The following AGR3 variants were observed in gnomAD, a reference collection of about 807,000 sequenced individuals.
The protein encoded by AGR3 is anterior gradient 3, protein disulphide isomerase family member, also known as anterior gradient protein 3.
A neutral mutation model predicts 24.5 loss-of-function variants in AGR3; 37 were observed. That is an observed-to-expected ratio of 1.51 (90% CI 1.16 to 1.99). The LOEUF is 1.99. Among genes scored for constraint, AGR3 ranks in the 30% most tolerant of loss-of-function variants. The probability of loss-of-function intolerance (pLI) is 0.00; values close to 1 mark genes in which losing one functional copy is unlikely to be tolerated. For missense variants in AGR3, 228 were observed against 191.1 expected (o/e 1.19, Z -1.14); for synonymous variants, 75 against 61.6 (o/e 1.22, Z -1.02).
chr7:16,873,746 T>C, intron 3 of AGR3, 34 bp downstream of exon 3: 2 of 1,513,750 alleles, frequency 1.3e-6, no homozygotes, highest in Non-Finnish European at 1.8e-6. Context: ...CTACTACAAA[T>C]AAAAGGAAAA....
At chr7:16,876,354 C>T (rs1161686561) in intron 2 of AGR3, among the ~76,000 whole-genome samples, 1 of 152,102 alleles carries the variant, frequency 6.6e-6, no homozygotes, top group African/African-American at 2.4e-5. Flanking sequence ...TTACTATCCG[C>T]CAATCACTGG....
At chr7:16,862,554 C>G in intron 4 of AGR3, 56 bp downstream of exon 4, 1 of 1,171,054 alleles carries the variant, frequency 8.5e-7, no homozygotes, top group African/African-American at 1.6e-5. Flanking sequence ...GTCACTTTTC[C>G]TATTTTATAT....
rs143351713 is a variant in AGR3, at chr7:16,867,607, T to C, written c.174-4945A>G. On this transcript the variant is annotated intron_variant, in intron 3 of 7. Transcript: ENST00000310398. ...ACAATGTACAACAGATCTCTTCAAT[T>C]TATTTCACTTAACTGAAATGTGTGT... Among the ~76,000 whole-genome samples the C allele has an allele frequency of 4.7e-3, 720 of 152,318 alleles. 1 individual carries two copies. The highest frequency in any genetic ancestry group is 6.6e-3 in the Non-Finnish European group (450 of 68,026).
chr7:16,879,046 T>C (rs1431404803), intron 1 of AGR3, among the ~76,000 whole-genome samples: 1 of 152,182 alleles, frequency 6.6e-6, no homozygotes, highest in Non-Finnish European at 1.5e-5. Flanking sequence ...GCCTTTTGAT[T>C]CTCCTTCATC....
At chr7:16,855,485 TG>T (rs1781544221), downstream of AGR3, among the ~76,000 whole-genome samples, 1 of 152,180 alleles carries the variant, frequency 6.6e-6, no homozygotes, top group African/African-American at 2.4e-5. Flanking sequence ...AAGTGTTTAA[TG>T]GCCTCCTATT....
At chr7:16,861,473 T>C (rs1781642662) in intron 5 of AGR3, 26 bp from the exon 6 acceptor site, 2 of 1,566,758 alleles carry the variant, frequency 1.3e-6, no homozygotes, top group Non-Finnish European at 1.7e-6. Context: ...AAAAAAAGAA[T>C]GTTATTGGAT....
chr7:16,861,248 CAA>C, intron 6 of AGR3, 134 bp downstream of exon 6: 1 of 620,768 alleles, frequency 1.6e-6, no homozygotes, highest in South Asian at 3.0e-5. Context: ...GTAGAACTAA[CAA>C]GAGCTGATAT....
intron 3 of AGR3, chr7:16,865,199 T>G: frequency 1.3e-6 from 1 of 761,186 alleles, no homozygotes; most frequent in South Asian, 1.5e-5. Flanking sequence ...TTTTTCTTTG[T>G]TTTGATTTTG....
Position 16,859,445 on chromosome 7 carries a change from A to G in AGR3, c.*137T>C, listed in dbSNP as rs1781598568. ...AAAAAACATTTATTTTAATAAGACT[A>G]TTGCAAACACATTAAAAAAACTAAA... On this transcript the variant is annotated 3_prime_UTR_variant, in exon 8 of 8. Coordinates refer to ENST00000310398, the MANE Select transcript of AGR3 (RefSeq NM_176813.5). The G allele has an allele frequency of 3.5e-5, 22 of 622,768 alleles. No individual in the cohort carries two copies. Among genetic ancestry groups the G allele is most frequent in the Non-Finnish European group, 3.4e-5 (12 of 357,898 alleles). 38.6% of individuals were successfully genotyped at this position (622,768 alleles called of 1,614,324 possible). A position where few individuals can be genotyped will look rare whatever the true frequency, so the allele number is the denominator to read the frequency against.
chr7:16,873,919 A>G, intron 2 of AGR3, 76 bp from the exon 3 acceptor site: 1 of 1,103,794 alleles, frequency 9.1e-7, no homozygotes. Flanking sequence ...TAATAATCAG[A>G]TATCTACCTA....
intron 3 of AGR3, among the ~76,000 whole-genome samples, chr7:16,871,797 G>A (rs1012339754): frequency 7.9e-5 from 12 of 152,000 alleles, no homozygotes; most frequent in Admixed American, 2.6e-4. Flanking sequence ...AGCTGAGATC[G>A]CGCCACTGTA....
chr7:16,869,394 A>G (rs1370741630), intron 3 of AGR3, among the ~76,000 whole-genome samples: 2 of 152,018 alleles, frequency 1.3e-5, no homozygotes, highest in Non-Finnish European at 2.9e-5. Flanking sequence ...TATAGTATAT[A>G]TTTTTTGATC....
At chr7:16,875,684 G>A (rs977092682) in intron 2 of AGR3, among the ~76,000 whole-genome samples, 3 of 151,768 alleles carry the variant, frequency 2.0e-5, no homozygotes, top group Admixed American at 1.3e-4. Context: ...GAGCTGCCGG[G>A]TTATTTTCTA....
intron 2 of AGR3, 109 bp downstream of exon 2, chr7:16,878,401 A>G: frequency 1.1e-6 from 1 of 913,548 alleles, no homozygotes; most frequent in Non-Finnish European, 1.6e-6. Context: ...AACAAAAATC[A>G]TTCAGTTAGT....
intron 3 of AGR3, chr7:16,866,295 A>C (rs111843172): frequency 2.6e-5 from 14 of 547,838 alleles, no homozygotes; most frequent in African/African-American, 7.5e-5. Flanking sequence ...TGGTCTAAGA[A>C]AAGTTTTTGA....
At chr7:16,878,681 A>T in intron 1 of AGR3, 36 bp from the exon 2 acceptor site, 3 of 1,389,444 alleles carry the variant, frequency 2.2e-6, no homozygotes, top group Non-Finnish European at 3.1e-6. Context: ...AATCCAGTGA[A>T]TTACTTCAAG....
chr7:16,865,382 C>T lies in AGR3; in HGVS notation c.174-2720G>A, dbSNP rs1041872649. 5 of 1,076,798 alleles carry T rather than the reference C, an allele frequency of 4.6e-6. No homozygotes were observed. The African/African-American group carries it at 4.7e-5, about 10-fold the overall frequency. 66.7% of individuals were successfully genotyped at this position (1,076,798 alleles called of 1,614,324 possible). On this transcript the variant is annotated intron_variant, in intron 3 of 7. Transcript: ENST00000310398. The stretch of plus-strand genomic sequence containing the variant: ...CAGGGACAGTAATTTTTCCTCCATT[C>T]TTGTTAGCCTCTATAGTCACTATTC...
downstream of AGR3, among the ~76,000 whole-genome samples, chr7:16,858,743 C>T (rs1781586894): frequency 6.6e-6 from 1 of 151,850 alleles, no homozygotes; most frequent in Non-Finnish European, 1.5e-5. Flanking sequence ...TGGTGGTACA[C>T]ACCTGTAATC....
At chr7:16,863,856 CTT>C (rs200839764) in intron 3 of AGR3, among the ~76,000 whole-genome samples, 3 of 150,704 alleles carry the variant, frequency 2.0e-5, no homozygotes, top group Non-Finnish European at 4.4e-5. Context: ...GCTAAACATG[CTT>C]TTTTTTTAAG....
Sources: allele counts gnomAD v4.1 joint callset (sites outside exome capture counted in the v4.1 genomes callset), GRCh38; gene constraint gnomAD v4.1.1; transcripts MANE v1.5; gene names NCBI Gene and HGNC (gene_info 2026-07-23, HGNC 2026-07-21).